HYDIN: variants seen among roughly 807,000 people sequenced by gnomAD.
HYDIN encodes HYDIN axonemal central pair apparatus protein.
Under a neutral mutation model 403.9 loss-of-function variants are expected in HYDIN, and 132 were observed. That is an observed-to-expected ratio of 0.33 (90% CI 0.28 to 0.38). The LOEUF is 0.38. HYDIN is among the 10% of genes least tolerant of loss of function. The pLI, the probability that HYDIN is intolerant of heterozygous loss-of-function variation, is 1.00. For missense variants in HYDIN, 2,827 were observed against 5,009.5 expected, an observed-to-expected ratio of 0.56 and a Z score of 13.15; for synonymous variants, 1,202 against 1,891.7, an observed-to-expected ratio of 0.64 and a Z score of 9.46.
At chr16:70,943,134 G>A (rs952005915) in intron 42 of HYDIN, among the ~76,000 whole-genome samples, 1 of 152,216 alleles carries the variant, frequency 6.6e-6, no homozygotes, top group Non-Finnish European at 1.5e-5. Context: ...AGCTGTGTCT[G>A]CAAACCATGA....
chr16:71,059,694 G>A (rs187625745), intron 18 of HYDIN, among the ~76,000 whole-genome samples: 150 of 152,252 alleles, frequency 9.9e-4, no homozygotes, highest in African/African-American at 3.5e-3. Context: ...CTTATTACCT[G>A]TGTGATAAAA....
At chr16:71,168,891 C>T (rs1304871103) in intron 5 of HYDIN, among the ~76,000 whole-genome samples, 1 of 152,184 alleles carries the variant, frequency 6.6e-6, no homozygotes. Context: ...GTGGTTCTCC[C>T]TGTACACTGA....
chr16:70,996,053 A>C (rs1207349229), intron 23 of HYDIN, among the ~76,000 whole-genome samples: 1 of 149,904 alleles, frequency 6.7e-6, no homozygotes, highest in South Asian at 2.2e-4. Flanking sequence ...GGAGTGACTG[A>C]TAGGGGTGGC....
chr16:70,823,908 T>C lies in HYDIN; in HGVS notation c.14427+3353A>G, dbSNP rs544971108. 1.1e-3 allele frequency among the ~76,000 whole-genome samples: 154 copies of C among 145,354 alleles called. 1 individual carries two copies. Among genetic ancestry groups the C allele is most frequent in the African/African-American group, 3.8e-3 (147 of 38,992 alleles). On this transcript the variant is annotated intron_variant, in intron 83 of 85. Transcript: ENST00000393567. ...TTTGCTTGGACTCTAGCTCACTGAA[T>C]TGTAGTCAGGAAATTGTCCTTAGGC...
intron 7 of HYDIN, among the ~76,000 whole-genome samples, chr16:71,152,122 C>A (rs1314390678): frequency 5.3e-5 from 8 of 150,406 alleles, no homozygotes; most frequent in Non-Finnish European, 1.5e-5. Flanking sequence ...ACCAGTGTGG[C>A]TCCTGGGGAT....
intron 1 of HYDIN, among the ~76,000 whole-genome samples, chr16:71,214,952 T>C (rs1292605193): frequency 6.6e-6 from 1 of 152,184 alleles, no homozygotes; most frequent in African/African-American, 2.4e-5. Context: ...CAGGATAAGA[T>C]AATGGAGAGA....
chr16:70,902,821 A>ATATATATATTTTT, intron 52 of HYDIN, among the ~76,000 whole-genome samples: 1 of 47,314 alleles, frequency 2.1e-5, no homozygotes, highest in African/African-American at 1.2e-4. Flanking sequence ...ATATATATAT[A>ATATATATATTTTT]TTTTTTTTTT....
intron 58 of HYDIN, among the ~76,000 whole-genome samples, chr16:70,884,680 T>TAAAACAAAACAAAACAAAAC (rs60100896): frequency 1.0e-4 from 15 of 146,388 alleles, no homozygotes; most frequent in Admixed American, 4.8e-4. Flanking sequence ...GAATTAGTGC[T>TAAAACAAAACAAAACAAAAC]AAAACAAAAC....
At chr16:70,808,586 G>C (rs1353795882) in intron 85 of HYDIN, among the ~76,000 whole-genome samples, 2 of 152,162 alleles carry the variant, frequency 1.3e-5, no homozygotes. Context: ...GTCCCCTGCT[G>C]GCCTCTCTGG....
intron 41 of HYDIN, among the ~76,000 whole-genome samples, chr16:70,950,513 C>T (rs1428960212): frequency 1.2e-4 from 18 of 151,730 alleles, no homozygotes; most frequent in Admixed American, 1.2e-3. Context: ...CCACCTCAGC[C>T]TCCCGAAGTG....
At chr16:71,073,191 G>A (rs1269976306) in intron 13 of HYDIN, among the ~76,000 whole-genome samples, 2 of 152,136 alleles carry the variant, frequency 1.3e-5, no homozygotes, top group African/African-American at 2.4e-5. Flanking sequence ...TTTGTTAGAT[G>A]CCTGACGTTA....
rs765435384 is a variant in HYDIN, at chr16:71,027,587, G to T, written c.3042+15C>A. On this transcript the variant is annotated intron_variant, in intron 20 of 85. Transcript: ENST00000393567. ...TAGGAAAAAACAATAGCTTCCAAAT[G>T]TGCTATCCCCTTACCCTGGGAGTAG... The T allele has an allele frequency of 1.2e-6, 2 of 1,613,980 alleles. No individual in the cohort carries two copies. The highest frequency in any genetic ancestry group is 1.3e-5 in the African/African-American group (1 of 74,926).
chr16:71,227,113 C>T (rs932559331), intron 1 of HYDIN, among the ~76,000 whole-genome samples: 5 of 151,330 alleles, frequency 3.3e-5, no homozygotes, highest in African/African-American at 4.9e-5. Context: ...AAATATCTGA[C>T]TTTTGTCATA....
chr16:70,849,879 G>C lies in HYDIN; in HGVS notation c.12720C>G (p.Phe4240Leu). The part of the protein sequence containing the change: ...FINTGKFTFS[F>L]QAQLCGSKTL... The stretch of plus-strand genomic sequence containing the variant: ...TTTTGGAGCCACACAGCTGTGCCTG[G>C]AAGCTGAAGGTGAACTTTCCAGTGT... Residue 4240 changes from phenylalanine (F) to leucine (L), a missense_variant, in exon 75 of 86, where the codon TTC becomes TTG. By Grantham distance (22) the Phe-to-Leu change is conservative (BLOSUM62 0). Coordinates refer to ENST00000393567, the MANE Select transcript of HYDIN (RefSeq NM_001270974.2). 1 of 741,996 alleles carries C rather than the reference G, an allele frequency of 1.3e-6. No individual in the cohort carries two copies. The highest frequency in any genetic ancestry group is 2.3e-6 in the Non-Finnish European group (1 of 434,584). 46.0% of individuals were successfully genotyped at this position (741,996 alleles called of 1,614,324 possible). A position where few individuals can be genotyped will look rare whatever the true frequency, so the allele number is the denominator to read the frequency against.
intron 84 of HYDIN, among the ~76,000 whole-genome samples, chr16:70,810,747 T>C (rs2035440818): frequency 6.6e-6 from 1 of 152,122 alleles, no homozygotes; most frequent in East Asian, 1.9e-4. Context: ...GGAGAATCAC[T>C]TGAACCCGGG....
At chr16:70,880,646 T>C (rs2040738576) in intron 60 of HYDIN, among the ~76,000 whole-genome samples, 1 of 152,198 alleles carries the variant, frequency 6.6e-6, no homozygotes, top group African/African-American at 2.4e-5. Context: ...TTCTGCTCCT[T>C]GTAACTCCAA....
In HYDIN at chr16:71,097,236, A is replaced by C. The variant is rs1193556929; in HGVS notation, c.1328-3301T>G. On this transcript the variant is annotated intron_variant, in intron 10 of 85. Coordinates refer to ENST00000393567, the MANE Select transcript of HYDIN (RefSeq NM_001270974.2). ...TTCTAATTCACTGGGTCCTACTCTA[A>C]AGTCTGGGGGATTAGATTACTAGGG... Among the ~76,000 whole-genome samples, 4 of 133,584 alleles carry C rather than the reference A, an allele frequency of 3.0e-5. No homozygotes were observed. The Admixed American group carries it at 3.1e-4, about 11-fold the overall frequency. The allele number at this position is 133,584 out of a possible 152,430, so 87.6% of individuals were successfully genotyped here. A position where few individuals can be genotyped will look rare whatever the true frequency, so the allele number is the denominator to read the frequency against.
chr16:70,921,118 T>C lies in HYDIN; in HGVS notation c.7258A>G (p.Lys2420Glu), dbSNP rs1567833419. Residue 2420 changes from lysine (K) to glutamate (E), a missense_variant, in exon 46 of 86, where the codon AAG (lysine) becomes GAG (glutamate). Coordinates refer to ENST00000393567, the MANE Select transcript of HYDIN (RefSeq NM_001270974.2). The stretch of plus-strand genomic sequence containing the variant: ...CTGACATCGCCCATGTTCCTTTTCT[T>C]CTTATTTAGCTCTTCCTTCTCAGAC... The part of the protein sequence containing the change: ...TMSEKEELNK[K>E]KRNMGDVSMH... 2 of 1,543,954 alleles carry C rather than the reference T, an allele frequency of 1.3e-6. No homozygotes were observed. The highest frequency in any genetic ancestry group is 1.8e-6 in the Non-Finnish European group (2 of 1,123,422).
chr16:70,932,128 G>A (rs1424735493), intron 45 of HYDIN, among the ~76,000 whole-genome samples: 1 of 146,932 alleles, frequency 6.8e-6, no homozygotes, highest in Non-Finnish European at 1.5e-5. Flanking sequence ...GCTGAGGTGG[G>A]TGGATCACCT....
Sources: gnomAD v4.1 joint callset for allele counts (sites outside exome capture counted in the v4.1 genomes callset) on GRCh38, gnomAD v4.1.1 for gene constraint, MANE v1.5 for transcripts, NCBI Gene and HGNC (gene_info 2026-07-23, HGNC 2026-07-21) for gene names.